HIRA: variants seen among roughly 807,000 people sequenced by gnomAD.
HIRA encodes protein HIRA.
HIRA carries 13 observed loss-of-function variants against 126.6 expected under a neutral mutation model. That is an observed-to-expected ratio of 0.10 (90% CI 0.07 to 0.16). HIRA has a LOEUF of 0.16. HIRA is among the 10% of genes least tolerant of loss of function. The probability of loss-of-function intolerance (pLI) is 1.00; values close to 1 mark genes in which losing one functional copy is unlikely to be tolerated. For missense variants in HIRA, 834 were observed against 1,314.4 expected (o/e 0.63, Z 5.65); for synonymous variants, 511 against 520.0 (o/e 0.98, Z 0.24).
intron 1 of HIRA, among the ~76,000 whole-genome samples, chr22:19,421,340 C>G (rs2089444950): frequency 6.6e-6 from 1 of 151,750 alleles, no homozygotes; most frequent in Non-Finnish European, 1.5e-5. Context: ...TTTAGCTATG[C>G]CAGTTATCTG....
chr22:19,396,855 G>C lies in HIRA; in HGVS notation c.586C>G (p.Arg196Gly), dbSNP rs1030535228. 2 of 1,614,164 alleles carry C rather than the reference G, an allele frequency of 1.2e-6. No individual in the cohort carries two copies. The highest frequency in any genetic ancestry group is 3.3e-5 in the Admixed American group (2 of 60,028). The change falls in exon 7 of 25, where the codon CGC becomes GGC. Residue 196 changes from arginine to glycine, a missense_variant. By Grantham distance (125) the Arg-to-Gly change is moderately radical. Around this residue, in one of 5 missense-constraint regions of HIRA, gnomAD observed 53 missense variants for 163.7 expected, o/e 0.32. Coordinates refer to ENST00000263208, the MANE Select transcript of HIRA (RefSeq NM_003325.4). ...GKYIASQADD[R>G]SLKVWRTLDW... The stretch of plus-strand genomic sequence containing the variant: ...AGCGTCCTCCACACCTTTAGGCTGC[G>C]GTCATCAGCTTGAGAAGCTATGTAT...
At chr22:19,403,748 C>T (rs1411108487) in intron 5 of HIRA, among the ~76,000 whole-genome samples, 1 of 151,958 alleles carries the variant, frequency 6.6e-6, no homozygotes, top group Non-Finnish European at 1.5e-5. Flanking sequence ...CTTGTATTTT[C>T]CAGATACAAT....
rs137925378 is a variant in HIRA at position 19,424,309 on chromosome 22, A to T, written c.37+7131T>A. ...AGAGGGCACATGACCTAGTTGGACC[A>T]ATCAGCCAATGGGGAAGACCCAAAG... On this transcript the variant is annotated intron_variant, in intron 1 of 24. Transcript: ENST00000263208. 6.5e-3 allele frequency among the ~76,000 whole-genome samples: 998 copies of T among 152,370 alleles called. 13 individuals are homozygous for T. Among genetic ancestry groups the T allele is most frequent in the African/African-American group, 0.022 (933 of 41,586 alleles).
intron 5 of HIRA, among the ~76,000 whole-genome samples, chr22:19,405,040 T>C (rs568577083): frequency 1.3e-5 from 2 of 152,276 alleles, no homozygotes; most frequent in South Asian, 2.1e-4. Flanking sequence ...AGGGACTCCC[T>C]CAGTAACAGG....
intron 1 of HIRA, among the ~76,000 whole-genome samples, chr22:19,424,654 TAG>T (rs1474515362): frequency 6.6e-6 from 1 of 151,528 alleles, no homozygotes; most frequent in African/African-American, 2.4e-5. Flanking sequence ...CTTAGCAAAT[TAG>T]AAAGAGTAAG....
intron 13 of HIRA, among the ~76,000 whole-genome samples, chr22:19,381,470 C>T (rs1056268013): frequency 3.9e-5 from 6 of 152,154 alleles, no homozygotes; most frequent in Non-Finnish European, 7.3e-5. Flanking sequence ...CCACCTATTC[C>T]CATTTAACTG....
intron 15 of HIRA, among the ~76,000 whole-genome samples, chr22:19,373,830 C>A (rs1303982302): frequency 1.3e-5 from 2 of 151,992 alleles, no homozygotes; most frequent in African/African-American, 4.8e-5. Context: ...ATGGCTTAGA[C>A]CCCAGGCCTT....
chr22:19,350,864 GGC>G (rs1556010657), intron 24 of HIRA, among the ~76,000 whole-genome samples: 1 of 151,896 alleles, frequency 6.6e-6, no homozygotes, highest in African/African-American at 2.4e-5. Context: ...GTCTCTGTAT[GGC>G]TGTCTCACTC....
intron 23 of HIRA, among the ~76,000 whole-genome samples, chr22:19,352,777 C>T (rs1344550910): frequency 2.0e-5 from 3 of 152,202 alleles, no homozygotes; most frequent in South Asian, 2.1e-4. Flanking sequence ...TGCCCCATGC[C>T]GCACCCTGAA....
chr22:19,334,079 A>G (rs1312575191), intron 24 of HIRA, among the ~76,000 whole-genome samples: 3 of 151,140 alleles, frequency 2.0e-5, no homozygotes, highest in Non-Finnish European at 4.4e-5. Flanking sequence ...GGTTCACACC[A>G]TTCTCCTGCC....
intron 1 of HIRA, among the ~76,000 whole-genome samples, chr22:19,422,211 T>C (rs73877063): frequency 0.22 from 20,050 of 91,672 alleles, 2,761 homozygotes; most frequent in African/African-American, 0.42. Context: ...TATATATATA[T>C]ACATATATAT....
rs1231805712 is a variant in HIRA, at chr22:19,379,352, C to T, written c.1416-1286G>A. ...TAGAAATACTTGATTTCCGGCCAGG[C>T]GCAGTGGCTCATGCCTGTAATCCCA... On this transcript the variant is annotated intron_variant, in intron 13 of 24. Coordinates refer to ENST00000263208, the MANE Select transcript of HIRA (RefSeq NM_003325.4). 4.6e-5 allele frequency among the ~76,000 whole-genome samples: 7 copies of T among 151,118 alleles called. No individual in the cohort carries two copies. In the East Asian group the frequency reaches 6.1e-4, roughly 13 times the overall value.
chr22:19,358,157 G>A (rs2088831116), intron 18 of HIRA, among the ~76,000 whole-genome samples: 1 of 152,052 alleles, frequency 6.6e-6, no homozygotes, highest in Non-Finnish European at 1.5e-5. Flanking sequence ...ATGCTACCAC[G>A]CCTGGCTAAT....
At chr22:19,406,008 G>C in intron 4 of HIRA, 128 bp from the exon 5 acceptor site, 1 of 475,174 alleles carries the variant, frequency 2.1e-6, no homozygotes, top group South Asian at 8.5e-5. Flanking sequence ...GAAAGCACTG[G>C]GTTGTTGAAT....
chr22:19,338,802 C>T (rs1421922127), intron 24 of HIRA, among the ~76,000 whole-genome samples: 2 of 152,254 alleles, frequency 1.3e-5, no homozygotes, highest in Middle Eastern at 3.4e-3. Context: ...AGCACGGGAG[C>T]TCCCAAATTT....
intron 6 of HIRA, among the ~76,000 whole-genome samples, chr22:19,397,744 T>G (rs575319295): frequency 1.6e-4 from 24 of 152,200 alleles, no homozygotes; most frequent in Middle Eastern, 6.3e-3. Context: ...CAACAACAGC[T>G]GCCCATCCAT....
At chr22:19,349,499 A>G (rs1601807905) in intron 24 of HIRA, among the ~76,000 whole-genome samples, 1 of 152,222 alleles carries the variant, frequency 6.6e-6, no homozygotes, top group South Asian at 2.1e-4. Context: ...GAAGAAAATC[A>G]CTGGTCTCTG....
At chr22:19,418,324 T>A (rs1372059526) in intron 1 of HIRA, among the ~76,000 whole-genome samples, 1 of 151,572 alleles carries the variant, frequency 6.6e-6, no homozygotes, top group African/African-American at 2.4e-5. Flanking sequence ...GGGAGGTGGG[T>A]GTAATTATAA....
intron 15 of HIRA, among the ~76,000 whole-genome samples, chr22:19,363,715 T>C (rs550500482): frequency 6.6e-6 from 1 of 152,156 alleles, no homozygotes; most frequent in Non-Finnish European, 1.5e-5. Context: ...CTGGCCAACA[T>C]GGTGAGACCC....
Sources: allele counts gnomAD v4.1 joint callset (sites outside exome capture counted in the v4.1 genomes callset), GRCh38; gene constraint gnomAD v4.1.1; regional missense constraint gnomAD v4.1.1; transcripts MANE v1.5; gene names NCBI Gene and HGNC (gene_info 2026-07-23, HGNC 2026-07-21).